The following KCNMB2 variants were observed in gnomAD, a reference collection of about 807,000 sequenced individuals.
The protein encoded by KCNMB2 is potassium calcium-activated channel subfamily M regulatory beta subunit 2, also known as calcium-activated potassium channel subunit beta-2.
In KCNMB2, 9 loss-of-function variants were observed where a neutral mutation model predicts 24.5. The observed-to-expected ratio is 0.37, with a 90% CI of 0.22 to 0.64. The LOEUF is 0.64. Ranked by LOEUF, KCNMB2 falls within the 30% of genes least tolerant of loss-of-function variation. KCNMB2 has a pLI of 0.63. For missense variants in KCNMB2, 226 were observed against 284.3 expected (o/e 0.79, Z 1.47); for synonymous variants, 109 against 104.4 (o/e 1.04, Z -0.27).
chr3:178,616,099 T>C (rs932015553), intron 1 of KCNMB2, among the ~76,000 whole-genome samples: 1 of 151,924 alleles, frequency 6.6e-6, no homozygotes, highest in Admixed American at 6.6e-5. Context: ...AAAGAAGGGC[T>C]CTCTTTTGGA....
intron 1 of KCNMB2, among the ~76,000 whole-genome samples, chr3:178,797,213 A>G (rs968898739): frequency 1.1e-4 from 16 of 152,278 alleles, no homozygotes; most frequent in African/African-American, 3.6e-4. Flanking sequence ...GAATAGACCA[A>G]TAATAAGTAA....
intron 1 of KCNMB2, among the ~76,000 whole-genome samples, chr3:178,727,716 G>A (rs1213489654): frequency 6.6e-6 from 1 of 152,128 alleles, no homozygotes; most frequent in Non-Finnish European, 1.5e-5. Flanking sequence ...TTTTCCCTTA[G>A]AGCCTCTAGG....
intron 1 of KCNMB2, among the ~76,000 whole-genome samples, chr3:178,608,967 C>T (rs972969406): frequency 6.6e-6 from 1 of 152,184 alleles, no homozygotes; most frequent in Non-Finnish European, 1.5e-5. Flanking sequence ...GCAACTATCT[C>T]TTCAATATAC....
chr3:178,828,148 C>T, intron 3 of KCNMB2, 30 bp from the exon 4 acceptor site: 1 of 1,550,374 alleles, frequency 6.5e-7, no homozygotes, highest in Non-Finnish European at 8.9e-7. Context: ...GCTCTTGGGC[C>T]TGTGTTTACT....
Position 178,752,272 on chromosome 3 carries a change from G to A in KCNMB2, c.-67-55071G>A, listed in dbSNP as rs558031019. Reference sequence around the variant, plus strand: ...TAGGAATAGCAATGAATTTTAGCTCGGGATAATCAGAAAATGACATTGAGC... The same window carrying A: ...TAGGAATAGCAATGAATTTTAGCTCAGGATAATCAGAAAATGACATTGAGC... On this transcript the variant is annotated intron_variant, in intron 1 of 4. Transcript: ENST00000452583. Among the ~76,000 whole-genome samples, 6 of 152,288 alleles carry A rather than the reference G, an allele frequency of 3.9e-5. No individual in the cohort carries two copies. The South Asian group carries it at 1.0e-3, about 26-fold the overall frequency.
intron 1 of KCNMB2, among the ~76,000 whole-genome samples, chr3:178,578,769 A>G (rs1299465103): frequency 1.3e-5 from 2 of 152,174 alleles, no homozygotes. Flanking sequence ...CAAAGATCAA[A>G]AAAGACAAGA....
chr3:178,644,327 G>T (rs1359550109), intron 1 of KCNMB2, among the ~76,000 whole-genome samples: 5 of 152,240 alleles, frequency 3.3e-5, no homozygotes, highest in Non-Finnish European at 5.9e-5. Context: ...GTCATTATTG[G>T]AGTGTTGTTG....
At chr3:178,541,567 AT>A (rs1715620499) in intron 1 of KCNMB2, among the ~76,000 whole-genome samples, 1 of 152,206 alleles carries the variant, frequency 6.6e-6, no homozygotes, top group Admixed American at 6.5e-5. Flanking sequence ...CATTTTTTCA[AT>A]TAATTAAAAT....
At chr3:178,689,564 A>AGGAGGAGCTTGTAGTGAGCT (rs1721595426) in intron 1 of KCNMB2, among the ~76,000 whole-genome samples, 1 of 152,206 alleles carries the variant, frequency 6.6e-6, no homozygotes, top group African/African-American at 2.4e-5. Flanking sequence ...TGAACCCAGG[A>AGGAGGAGCTTGTAGTGAGCT]GGAGGAGCTT....
At chr3:178,744,416 G>A (rs1041482771) in intron 1 of KCNMB2, among the ~76,000 whole-genome samples, 9 of 152,188 alleles carry the variant, frequency 5.9e-5, no homozygotes, top group South Asian at 4.1e-4. Flanking sequence ...AGTTATATCA[G>A]TAATTAGAAG....
chr3:178,821,121 T>C (rs1293494841), intron 2 of KCNMB2, among the ~76,000 whole-genome samples: 2 of 152,214 alleles, frequency 1.3e-5, no homozygotes, highest in Non-Finnish European at 2.9e-5. Flanking sequence ...CAGTGAATTG[T>C]CCCTCATTCC....
chr3:178,540,678 T>C (rs907303446), intron 1 of KCNMB2, among the ~76,000 whole-genome samples: 2 of 152,208 alleles, frequency 1.3e-5, no homozygotes, highest in Non-Finnish European at 2.9e-5. Context: ...GCATAGTCAC[T>C]TGACTCAGTT....
At chr3:178,718,534 T>C (rs1414236173) in intron 1 of KCNMB2, among the ~76,000 whole-genome samples, 1 of 152,224 alleles carries the variant, frequency 6.6e-6, no homozygotes. Flanking sequence ...AAAGCCAGTA[T>C]GGCACTAAAT....
intron 1 of KCNMB2, among the ~76,000 whole-genome samples, chr3:178,731,182 C>T (rs1333987623): frequency 6.6e-6 from 1 of 152,048 alleles, no homozygotes; most frequent in Non-Finnish European, 1.5e-5. Flanking sequence ...CCTACTGGCC[C>T]CAGTTGGAAC....
chr3:178,677,109 T>A (rs1721096086), intron 1 of KCNMB2, among the ~76,000 whole-genome samples: 2 of 152,242 alleles, frequency 1.3e-5, no homozygotes, highest in South Asian at 4.1e-4. Flanking sequence ...CAGCCCAACT[T>A]TCATTTCCTC....
At chr3:178,828,904 G>C (rs1714941741) in intron 4 of KCNMB2, among the ~76,000 whole-genome samples, 1 of 150,736 alleles carries the variant, frequency 6.6e-6, no homozygotes, top group Admixed American at 6.6e-5. Flanking sequence ...AGCAGAGCAT[G>C]CTACTTTCAA....
intron 1 of KCNMB2, among the ~76,000 whole-genome samples, chr3:178,736,162 C>G (rs887825687): frequency 6.6e-6 from 1 of 152,148 alleles, no homozygotes; most frequent in Non-Finnish European, 1.5e-5. Flanking sequence ...TTTTCCAGAA[C>G]AGCATGTTTA....
At chr3:178,720,857 G>A (rs1722781223) in intron 1 of KCNMB2, among the ~76,000 whole-genome samples, 1 of 151,282 alleles carries the variant, frequency 6.6e-6, no homozygotes. Flanking sequence ...ATTTGTTTGA[G>A]TTCATTGTAG....
chr3:178,746,618 T>A (rs1317660707), intron 1 of KCNMB2, among the ~76,000 whole-genome samples: 1 of 152,184 alleles, frequency 6.6e-6, no homozygotes, highest in Non-Finnish European at 1.5e-5. Flanking sequence ...TTTCCAAACT[T>A]CTATGCTCTG....
Sources: allele counts gnomAD v4.1 joint callset (sites outside exome capture counted in the v4.1 genomes callset), GRCh38; gene constraint gnomAD v4.1.1; transcripts MANE v1.5; gene names NCBI Gene and HGNC (gene_info 2026-07-23, HGNC 2026-07-21).